Variants in NDUFS7 observed in about 807,000 individuals in gnomAD.
The protein encoded by NDUFS7 is NADH dehydrogenase [ubiquinone] iron-sulfur protein 7, mitochondrial.
NDUFS7 carries 11 observed loss-of-function variants against 31.1 expected under a neutral mutation model. That is an observed-to-expected ratio of 0.35 (90% CI 0.22 to 0.59). NDUFS7 has a LOEUF of 0.59. Among genes scored for constraint, NDUFS7 ranks in the 20% least tolerant of loss-of-function variants. NDUFS7 has a pLI of 0.79. For missense variants in NDUFS7, 263 were observed against 324.2 expected (o/e 0.81, Z 1.45); for synonymous variants, 136 against 127.9 (o/e 1.06, Z -0.43).
At position 1,393,651 on chromosome 19, in the gene NDUFS7, G is replaced by A. The variant is rs1269201105; in HGVS notation, c.544+321G>A. The A allele has an allele frequency of 5.0e-6, 3 of 595,328 alleles. No homozygotes were observed. Among genetic ancestry groups the A allele is most frequent in the East Asian group, 2.8e-5 (1 of 36,062 alleles). 36.9% of individuals were successfully genotyped at this position (595,328 alleles called of 1,614,324 possible). On this transcript the variant is annotated intron_variant, in intron 7 of 7. Coordinates refer to ENST00000233627, the MANE Select transcript of NDUFS7 (RefSeq NM_024407.5). This position sits in a 1 kb window ranked among gnomAD's most constrained non-coding sequence, Gnocchi z 7.3. ...TGCAGTTAGAAATACCAAGCGAGAA[G>A]GTTCCTGGGGGCCAAGGACACTGTC...
At chr19:1,387,933 G>C in intron 2 of NDUFS7, 86 bp downstream of exon 2, 12 of 385,714 alleles carry the variant, frequency 3.1e-5, no homozygotes, top group East Asian at 2.5e-4. Flanking sequence ...GGGGTGGGGG[G>C]AGCGCCTTGT....
chr19:1,388,439 G>A, intron 2 of NDUFS7, 86 bp from the exon 3 acceptor site: 4 of 1,229,874 alleles, frequency 3.3e-6, no homozygotes, highest in African/African-American at 1.5e-5. Flanking sequence ...GCAGCAGGGA[G>A]GGGAGAGGCA....
At chr19:1,385,691 C>T (rs778251955) in intron 1 of NDUFS7, among the ~76,000 whole-genome samples, 3 of 151,648 alleles carry the variant, frequency 2.0e-5, no homozygotes, top group Admixed American at 6.6e-5. Flanking sequence ...TGGTAGCAGG[C>T]GCCTGTAATC....
At chr19:1,387,611 G>A (rs1046516929) in intron 1 of NDUFS7, 200 bp from the exon 2 acceptor site, 7 of 619,180 alleles carry the variant, frequency 1.1e-5, no homozygotes, top group South Asian at 3.6e-5. Context: ...GGTTCCTTCC[G>A]GGGCCATGCA....
chr19:1,391,309 C>T, intron 6 of NDUFS7, 144 bp downstream of exon 6: 1 of 1,060,292 alleles, frequency 9.4e-7, no homozygotes, highest in Non-Finnish European at 1.4e-6. Flanking sequence ...CGTCTCGGTG[C>T]CTCCACCCTA....
chr19:1,384,635 C>T (rs541967707), intron 1 of NDUFS7, among the ~76,000 whole-genome samples: 1 of 152,190 alleles, frequency 6.6e-6, no homozygotes, highest in African/African-American at 2.4e-5. Flanking sequence ...TGAACGCGAT[C>T]TAGCGGCAGG....
At chr19:1,395,317 G>C (rs1002052353) in intron 7 of NDUFS7, 74 bp from the exon 8 acceptor site, 188 of 1,531,148 alleles carry the variant, frequency 1.2e-4, no homozygotes, top group Non-Finnish European at 1.6e-4. Context: ...TTCCAAAGCC[G>C]AGCCGGCTGC....
rs759249518 is a variant in NDUFS7, at chr19:1,395,492, C to T, written c.*4C>T. The T allele has an allele frequency of 5.6e-5, 87 of 1,561,564 alleles. No individual in the cohort carries two copies. Among genetic ancestry groups the T allele is most frequent in the East Asian group, 1.7e-4 (7 of 42,098 alleles). On this transcript the variant is annotated 3_prime_UTR_variant, in exon 8 of 8. Transcript: ENST00000233627. ...GCAGATCTGGTACCGCAGGTAGCGC[C>T]GCCGCCGCCGCCGCCGGAGCCTGTC... is the stretch of plus-strand genomic sequence containing the variant.
intron 1 of NDUFS7, 66 bp downstream of exon 1, chr19:1,384,008 C>A: frequency 6.6e-7 from 1 of 1,508,772 alleles, no homozygotes; most frequent in South Asian, 1.2e-5. Flanking sequence ...CCTCGGGTGT[C>A]GTGGTGGCGT....
chr19:1,383,976 C>A, intron 1 of NDUFS7, 34 bp downstream of exon 1: 1 of 1,553,510 alleles, frequency 6.4e-7, no homozygotes, highest in South Asian at 1.2e-5. Flanking sequence ...TGTGGGGCCG[C>A]GCGGGTCTGG....
At chr19:1,385,183 G>C (rs1472985981) in intron 1 of NDUFS7, among the ~76,000 whole-genome samples, 1 of 152,176 alleles carries the variant, frequency 6.6e-6, no homozygotes, top group Non-Finnish European at 1.5e-5. Context: ...TTTATTCCAA[G>C]CAAATTCACA....
chr19:1,384,646 T>TCTAATTGCGA (rs2082495780), intron 1 of NDUFS7, among the ~76,000 whole-genome samples: 4 of 151,874 alleles, frequency 2.6e-5, no homozygotes. Context: ...TAGCGGCAGG[T>TCTAATTGCGA]CTAATTGCGA....
At chr19:1,394,317 C>G (rs955299432) in intron 7 of NDUFS7, 5 of 1,269,272 alleles carry the variant, frequency 3.9e-6, no homozygotes, top group Non-Finnish European at 5.1e-6. Context: ...AGAGGTCCAT[C>G]CTGGGGTCAG....
intron 4 of NDUFS7, chr19:1,389,420 C>G (rs754820914): frequency 2.0e-4 from 92 of 458,642 alleles, no homozygotes; most frequent in Non-Finnish European, 4.4e-5. Context: ...CACACACACC[C>G]CTGCGGCCGT....
At position 1,393,075 on chromosome 19, in the gene NDUFS7, G is replaced by A. The variant is rs2082568118; in HGVS notation, c.456-167G>A. 2 of 642,338 alleles carry A rather than the reference G, an allele frequency of 3.1e-6. No homozygotes were observed. The highest frequency in any genetic ancestry group is 5.6e-6 in the Non-Finnish European group (2 of 354,344). The allele number at this position is 642,338 out of a possible 1,614,324, so 39.8% of individuals were successfully genotyped here. A position where few individuals can be genotyped will look rare whatever the true frequency, so the allele number is the denominator to read the frequency against. ...CTTGCGCCCCACTGGTCCCACAGAG[G>A]CTCTGGGAGCCTGTGCGTGTTTGCT... On this transcript the variant is annotated intron_variant, in intron 6 of 7. Coordinates refer to ENST00000233627, the MANE Select transcript of NDUFS7 (RefSeq NM_024407.5). The surrounding 1 kb of genome is among the most constrained non-coding windows in gnomAD (Gnocchi z 7.3).
intron 4 of NDUFS7, chr19:1,389,451 G>A (rs1167063080): frequency 1.5e-5 from 7 of 457,728 alleles, no homozygotes; most frequent in African/African-American, 2.0e-5. Context: ...GGACCCTCCC[G>A]GAGGCCCCTG....
chr19:1,388,835 C>G lies in NDUFS7; in HGVS notation c.125C>G (p.Thr42Ser), dbSNP rs762772605. The change falls in exon 4 of 8, where the codon ACC becomes AGC. Residue 42 changes from threonine (T) to serine (S), a missense_variant and splice_region_variant. Thr to Ser is a moderately conservative substitution (Grantham distance 58). Transcript: ENST00000233627. Reference protein sequence around the residue: ...QSVATDGPSSTQPALPKARAV... With the variant: ...QSVATDGPSSSQPALPKARAV... ...GTGCCCGTGTGTCTCTGTGCCAGCACCCAGCCTGCCCTGCCAAAGGCCAGA... is the reference window on the plus strand; with the variant it reads ...GTGCCCGTGTGTCTCTGTGCCAGCAGCCAGCCTGCCCTGCCAAAGGCCAGA... 1.1e-5 allele frequency: 17 copies of G among 1,593,232 alleles called. No individual in the cohort carries two copies. The Middle Eastern group carries it at 2.8e-3, about 264-fold the overall frequency.
chr19:1,388,978 G>A, intron 4 of NDUFS7, 40 bp downstream of exon 4: 1 of 1,522,720 alleles, frequency 6.6e-7, no homozygotes, highest in Non-Finnish European at 9.0e-7. Flanking sequence ...GAGCGCCAGG[G>A]CCTCTCTGCA....
At chr19:1,389,803 T>C (rs2082542089) in intron 4 of NDUFS7, 1 of 328,806 alleles carries the variant, frequency 3.0e-6, no homozygotes. Context: ...CTTTTGTTTT[T>C]TGTTTCCTAA....
Sources: allele counts gnomAD v4.1 joint callset (sites outside exome capture counted in the v4.1 genomes callset), GRCh38; gene constraint gnomAD v4.1.1; non-coding constraint Gnocchi (gnomAD v3.1); transcripts MANE v1.5; gene names NCBI Gene and HGNC (gene_info 2026-07-23, HGNC 2026-07-21).